ZNF407: variants seen among roughly 807,000 people sequenced by gnomAD.
The protein encoded by ZNF407 is zinc finger protein 407.
In ZNF407, 17 loss-of-function variants were observed where a neutral mutation model predicts 131.2. The ratio of observed to expected loss-of-function variants is 0.13; its 90% confidence interval spans 0.09 to 0.19. ZNF407 has a LOEUF of 0.19. Among genes scored for constraint, ZNF407 ranks in the 10% least tolerant of loss-of-function variants. The pLI is 1.00. For missense variants in ZNF407, 2,681 were observed against 2,830.6 expected (o/e 0.95, Z 1.20); for synonymous variants, 1,156 against 1,062.0 (o/e 1.09, Z -1.72).
chr18:74,705,198 G>C (rs1967596995), intron 3 of ZNF407, among the ~76,000 whole-genome samples: 1 of 151,034 alleles, frequency 6.6e-6, no homozygotes, highest in African/African-American at 2.4e-5. Flanking sequence ...AGGTACCCTT[G>C]AATTAAGCTC....
At chr18:74,932,816 A>T (rs1971997502) in intron 8 of ZNF407, among the ~76,000 whole-genome samples, 1 of 152,230 alleles carries the variant, frequency 6.6e-6, no homozygotes, top group South Asian at 2.1e-4. Context: ...TAGCTAAGAA[A>T]TATGCTTTAA....
chr18:74,768,083 C>T (rs1013094805), intron 3 of ZNF407, among the ~76,000 whole-genome samples: 1 of 152,026 alleles, frequency 6.6e-6, no homozygotes, highest in Non-Finnish European at 1.5e-5. Context: ...TTGAATATAC[C>T]TATTTGCCAA....
At chr18:74,687,504 C>T (rs1047062289) in intron 3 of ZNF407, among the ~76,000 whole-genome samples, 2 of 152,032 alleles carry the variant, frequency 1.3e-5, no homozygotes, top group African/African-American at 4.8e-5. Flanking sequence ...TTGAAAAAGC[C>T]TCTGAGAGAA....
At position 74,852,191 on chromosome 18, in the gene ZNF407, A is replaced by G. The variant is rs766813969; in HGVS notation, c.4878-25006A>G. 4.3e-4 allele frequency among the ~76,000 whole-genome samples: 32 copies of G among 74,350 alleles called. No individual in the cohort carries two copies. The South Asian group carries it at 4.7e-3, about 11-fold the overall frequency. 48.8% of individuals were successfully genotyped at this position (74,350 alleles called of 152,430 possible). ...CACACACACACACACACACACACAC[A>G]CACACACGCACGCACGCACGCGCAC... On this transcript the variant is annotated intron_variant, in intron 4 of 8. Coordinates refer to ENST00000299687, the MANE Select transcript of ZNF407 (RefSeq NM_017757.3).
intron 6 of ZNF407, among the ~76,000 whole-genome samples, chr18:74,885,512 G>A (rs577867052): frequency 6.6e-6 from 1 of 152,248 alleles, no homozygotes; most frequent in East Asian, 1.9e-4. Flanking sequence ...GAAATTCAAA[G>A]GCTTGAAATA....
intron 8 of ZNF407, among the ~76,000 whole-genome samples, chr18:74,946,397 T>A (rs1185558275): frequency 6.6e-6 from 1 of 152,214 alleles, no homozygotes. Flanking sequence ...CAGCACTCTC[T>A]TTGTGCTTTG....
chr18:74,640,210 A>G lies in ZNF407; in HGVS notation c.4688-798A>G, dbSNP rs117982969. Among the ~76,000 whole-genome samples, 1,161 of 152,196 alleles carry G rather than the reference A, an allele frequency of 7.6e-3. 7 individuals carry two copies. The highest frequency in any genetic ancestry group is 0.012 in the Non-Finnish European group (841 of 67,948). On this transcript the variant is annotated intron_variant, in intron 2 of 8. Transcript: ENST00000299687. ...TATCTGTTAATATGTTTCAGTTTCA[A>G]TCTTATCTATTACTGACACTAAGTG...
At chr18:74,912,434 G>T (rs1237476008) in intron 7 of ZNF407, among the ~76,000 whole-genome samples, 1 of 152,158 alleles carries the variant, frequency 6.6e-6, no homozygotes, top group Non-Finnish European at 1.5e-5. Flanking sequence ...GGTTCATTGT[G>T]ATGGAGTGGC....
chr18:74,635,470 C>A lies in ZNF407; in HGVS notation c.4451C>A (p.Ala1484Asp). 1 of 1,612,778 alleles carries A rather than the reference C, an allele frequency of 6.2e-7. No homozygotes were observed. The change falls in exon 2 of 9, where the codon GCC becomes GAC. Residue 1484 changes from alanine (A) to aspartate (D), a missense_variant. This residue lies in a region of ZNF407 where 213 missense variants were observed against 332.2 expected (regional missense o/e 0.64). Coordinates refer to ENST00000299687, the MANE Select transcript of ZNF407 (RefSeq NM_017757.3). The surrounding 1 kb of genome is among the most constrained non-coding windows in gnomAD (Gnocchi z 4.7). ...GTGGAGGAGCTTCCGGAGGGAGGGG[C>A]CACCTTTAAATGTGTCAAGTGCACA... The part of the protein sequence containing the change: ...ASVEELPEGG[A>D]TFKCVKCTEP...
At chr18:75,035,569 C>T (rs1973298799) in intron 8 of ZNF407, among the ~76,000 whole-genome samples, 1 of 152,098 alleles carries the variant, frequency 6.6e-6, no homozygotes, top group Non-Finnish European at 1.5e-5. Flanking sequence ...AACAGAATAC[C>T]AGAAATGTGT....
intron 8 of ZNF407, among the ~76,000 whole-genome samples, chr18:74,983,875 G>A (rs1171662894): frequency 6.6e-6 from 1 of 152,210 alleles, no homozygotes; most frequent in Non-Finnish European, 1.5e-5. Context: ...GCCTGGCACC[G>A]AGCAGCTCAG....
At chr18:74,727,867 C>T (rs541842140) in intron 3 of ZNF407, among the ~76,000 whole-genome samples, 1 of 152,232 alleles carries the variant, frequency 6.6e-6, no homozygotes, top group Admixed American at 6.5e-5. Context: ...TCAGACAAGT[C>T]TCTTTTAAGA....
intron 4 of ZNF407, among the ~76,000 whole-genome samples, chr18:74,816,224 G>C (rs1970265753): frequency 6.6e-6 from 1 of 152,090 alleles, no homozygotes; most frequent in African/African-American, 2.4e-5. Context: ...TGTTGACTTT[G>C]AGGTGAAAAA....
At chr18:74,964,163 T>C (rs1297326972) in intron 8 of ZNF407, among the ~76,000 whole-genome samples, 5 of 152,172 alleles carry the variant, frequency 3.3e-5, no homozygotes, top group African/African-American at 9.7e-5. Context: ...CATATGTAGC[T>C]CCCACTGTCG....
intron 4 of ZNF407, among the ~76,000 whole-genome samples, chr18:74,852,348 A>G (rs1970801736): frequency 6.6e-6 from 1 of 152,210 alleles, no homozygotes; most frequent in South Asian, 2.1e-4. Context: ...GGGAGGGAAT[A>G]GTATTTATAC....
intron 4 of ZNF407, among the ~76,000 whole-genome samples, chr18:74,864,195 TC>T (rs1970978421): frequency 6.6e-6 from 1 of 152,214 alleles, no homozygotes; most frequent in African/African-American, 2.4e-5. Flanking sequence ...TTAGAACCCT[TC>T]CTTCTTCTTC....
At chr18:74,760,577 A>G (rs894885502) in intron 3 of ZNF407, among the ~76,000 whole-genome samples, 2 of 151,954 alleles carry the variant, frequency 1.3e-5, no homozygotes, top group African/African-American at 2.4e-5. Flanking sequence ...TGTTTTTTCC[A>G]TTGCTACTGA....
chr18:74,607,191 G>C (rs1479732555), intron 1 of ZNF407, among the ~76,000 whole-genome samples: 1 of 152,182 alleles, frequency 6.6e-6, no homozygotes, highest in African/African-American at 2.4e-5. Flanking sequence ...GAGTCACCCA[G>C]AGGGTTTGGG....
chr18:74,756,291 G>A (rs1390067510), intron 3 of ZNF407, among the ~76,000 whole-genome samples: 1 of 152,010 alleles, frequency 6.6e-6, no homozygotes, highest in East Asian at 1.9e-4. Flanking sequence ...AGATTGGTTT[G>A]GTTATTCTGA....
Sources: allele counts gnomAD v4.1 joint callset (sites outside exome capture counted in the v4.1 genomes callset), GRCh38; gene constraint gnomAD v4.1.1; regional missense constraint gnomAD v4.1.1; non-coding constraint Gnocchi (gnomAD v3.1); transcripts MANE v1.5; gene names NCBI Gene and HGNC (gene_info 2026-07-23, HGNC 2026-07-21).